Variants in RNF212B observed in about 807,000 individuals in gnomAD.
RNF212B encodes the protein ring finger protein 212B.
Under a neutral mutation model 55.5 loss-of-function variants are expected in RNF212B, and 52 were observed. The observed-to-expected ratio is 0.94, with a 90% CI of 0.75 to 1.18. RNF212B has a LOEUF of 1.18. Among genes scored for constraint, RNF212B ranks in the 50% most tolerant of loss-of-function variants. RNF212B has a pLI of 0.00. For synonymous variants in RNF212B, 99 were observed against 121.4 expected (o/e 0.82, Z 1.21); for missense variants, 289 against 350.4 (o/e 0.82, Z 1.40).
At chr14:23,208,986 C>T (rs111664938) in intron 2 of RNF212B, among the ~76,000 whole-genome samples, 20,477 of 151,582 alleles carry the variant, frequency 0.14, 2,732 homozygotes, top group African/African-American at 0.34. Context: ...TCTCGATCTC[C>T]TGACCTCGTG....
intron 6 of RNF212B, among the ~76,000 whole-genome samples, chr14:23,260,279 A>C (rs951985387): frequency 9.9e-5 from 15 of 151,844 alleles, no homozygotes; most frequent in Non-Finnish European, 1.9e-4. Flanking sequence ...CTTCCTCTGC[A>C]TCACACTCTA....
chr14:23,199,817 A>G (rs906486695), intron 2 of RNF212B, among the ~76,000 whole-genome samples: 6 of 152,034 alleles, frequency 3.9e-5, no homozygotes, highest in Non-Finnish European at 7.4e-5. Context: ...GGTTGCTGTT[A>G]TTTTCTTCTG....
intron 1 of RNF212B, among the ~76,000 whole-genome samples, chr14:23,188,587 C>T (rs902421048): frequency 4.6e-5 from 7 of 151,922 alleles, no homozygotes; most frequent in African/African-American, 1.7e-4. Flanking sequence ...CTGCCTCAGC[C>T]TCTCAAGTAG....
At chr14:23,231,719 C>T (rs962121532) in intron 2 of RNF212B, among the ~76,000 whole-genome samples, 4 of 150,474 alleles carry the variant, frequency 2.7e-5, no homozygotes, top group Non-Finnish European at 4.4e-5. Context: ...GCTGCCATCT[C>T]GGCTCACTGC....
chr14:23,203,482 C>CA lies in RNF212B; in HGVS notation c.-2+10081_-2+10082insA, dbSNP rs370084284. On this transcript the variant is annotated intron_variant, in intron 2 of 15. Coordinates refer to the RNF212B transcript ENST00000399910. Reference sequence around the variant, plus strand: ...AATGGTAGTTCTACTTTTAGTCCCCCTTTTTTTTTTTTTTGAGATGGAGCC... The same window carrying CA: ...AATGGTAGTTCTACTTTTAGTCCCCCATTTTTTTTTTTTTTGAGATGGAGCC... Among the ~76,000 whole-genome samples the CA allele has an allele frequency of 1.6e-4, 20 of 124,606 alleles. 1 individual carries two copies. Among genetic ancestry groups the CA allele is most frequent in the Admixed American group, 9.8e-4 (12 of 12,290 alleles). 81.7% of individuals were successfully genotyped at this position (124,606 alleles called of 152,430 possible). A position where few individuals can be genotyped will look rare whatever the true frequency, so the allele number is the denominator to read the frequency against.
At chr14:23,254,163 T>C (rs1442825058) in intron 4 of RNF212B, among the ~76,000 whole-genome samples, 3 of 151,930 alleles carry the variant, frequency 2.0e-5, no homozygotes, top group Non-Finnish European at 4.4e-5. Flanking sequence ...CATGCACCTG[T>C]TGTCCCAGCT....
intron 2 of RNF212B, among the ~76,000 whole-genome samples, chr14:23,242,094 A>AAAAG (rs1883625960): frequency 3.9e-5 from 5 of 129,150 alleles, no homozygotes; most frequent in African/African-American, 1.4e-4. Context: ...AAAAAAAAAA[A>AAAAG]AAAAAAAAAA....
chr14:23,215,315 T>G (rs567093894), intron 2 of RNF212B, among the ~76,000 whole-genome samples: 1 of 152,184 alleles, frequency 6.6e-6, no homozygotes, highest in Admixed American at 6.5e-5. Context: ...CTTTTCTTTA[T>G]AAATTTCCCA....
chr14:23,270,728 G>C, intron 14 of RNF212B, 67 bp downstream of exon 14: 1 of 1,048,280 alleles, frequency 9.5e-7, no homozygotes, highest in Non-Finnish European at 1.4e-6. Flanking sequence ...CACACTAAAT[G>C]CCTCAGGGTA....
rs1183892239 is a variant in RNF212B, at chr14:23,264,215, G to T, written c.566G>T (p.Gly189Val). ...SAESIPYREA[G>V]FGSLGQGGRG... ...GAATCTATTCCTTATAGAGAGGCTG[G>T]CTTTGGTAGCTTGGGACAAGTAAGT... The change falls in exon 10 of 15, where the codon GGC (glycine) becomes GTC (valine). Residue 189 changes from glycine to valine, a missense_variant. Physicochemically the swap from Gly to Val is moderately radical, Grantham distance 109 (BLOSUM62 -3). Coordinates refer to ENST00000430154, the MANE Select transcript of RNF212B (RefSeq NM_001282322.3). 4 of 1,549,650 alleles carry T rather than the reference G, an allele frequency of 2.6e-6. No individual in the cohort carries two copies. In the African/African-American group the frequency reaches 5.5e-5, roughly 21 times the overall value.
chr14:23,189,774 C>CTCCA (rs1264786931), intron 1 of RNF212B, among the ~76,000 whole-genome samples: 1 of 152,156 alleles, frequency 6.6e-6, no homozygotes, highest in Admixed American at 6.5e-5. Context: ...TGCCACTGCA[C>CTCCA]TCCAGCCTGT....
chr14:23,252,987 A>G (rs1884526142), intron 4 of RNF212B, among the ~76,000 whole-genome samples: 1 of 152,088 alleles, frequency 6.6e-6, no homozygotes, highest in South Asian at 2.1e-4. Context: ...GTTAAACCCT[A>G]TGAGGACGGT....
chr14:23,250,207 T>G (rs1376291510), intron 4 of RNF212B, among the ~76,000 whole-genome samples: 1 of 152,192 alleles, frequency 6.6e-6, no homozygotes, highest in African/African-American at 2.4e-5. Context: ...AGGCCAGCCG[T>G]GGTGGCTCAC....
chr14:23,268,913 A>T lies in RNF212B; in HGVS notation c.635-11A>T. On this transcript the variant is annotated splice_polypyrimidine_tract_variant and intron_variant, in intron 11 of 14. Transcript: ENST00000430154. ...TGGATTATCTCACAGGCTTATTTTT[A>T]TGCTTTCCAGAAACCCCTTCACCGG... The T allele has an allele frequency of 6.5e-7, 1 of 1,549,194 alleles. No homozygotes were observed. The highest frequency in any genetic ancestry group is 8.7e-7 in the Non-Finnish European group (1 of 1,145,482).
At chr14:23,233,149 G>A (rs979249484), upstream of RNF212B, among the ~76,000 whole-genome samples, 1 of 152,264 alleles carries the variant, frequency 6.6e-6, no homozygotes, top group Non-Finnish European at 1.5e-5. Flanking sequence ...TGTCCACTCG[G>A]GGTTAAATGG....
At chr14:23,264,784 C>G (rs894037033) in intron 11 of RNF212B, 113 bp downstream of exon 11, 3 of 509,926 alleles carry the variant, frequency 5.9e-6, no homozygotes, top group Admixed American at 4.5e-5. Flanking sequence ...TTTTTCCTGA[C>G]AGTGATTCCA....
At chr14:23,232,123 G>A (rs184215796) in intron 2 of RNF212B, among the ~76,000 whole-genome samples, 1 of 151,690 alleles carries the variant, frequency 6.6e-6, no homozygotes, top group East Asian at 2.0e-4. Context: ...GATGTGAGGA[G>A]CCCCTCTGCC....
rs58028274 is a variant in RNF212B at position 23,246,999 on chromosome 14, G to C, written c.228+2603G>C. ...CTACTAAAAATAAAAAATTAGCCAG[G>C]TGTGGTGGCACGTGCCTTTAATCCC... On this transcript the variant is annotated intron_variant, in intron 4 of 14. Transcript: ENST00000430154. Among the ~76,000 whole-genome samples, 1,119 of 152,202 alleles carry C rather than the reference G, an allele frequency of 7.4e-3. 18 individuals are homozygous for C. Among genetic ancestry groups the C allele is most frequent in the African/African-American group, 0.025 (1,057 of 41,536 alleles).
At chr14:23,237,922 C>T (rs1242158085), upstream of RNF212B, among the ~76,000 whole-genome samples, 1 of 152,224 alleles carries the variant, frequency 6.6e-6, no homozygotes, top group Non-Finnish European at 1.5e-5. Context: ...CACACCGCCT[C>T]GGCTGCGCCC....
Sources: gnomAD v4.1 joint callset for allele counts (sites outside exome capture counted in the v4.1 genomes callset) on GRCh38, gnomAD v4.1.1 for gene constraint, MANE v1.5 for transcripts, NCBI Gene and HGNC (gene_info 2026-07-23, HGNC 2026-07-21) for gene names.